The following CTNNA2 variants were observed in gnomAD, a reference collection of about 807,000 sequenced individuals.
CTNNA2 encodes the protein catenin alpha-2.
CTNNA2 carries 42 observed loss-of-function variants against 101.0 expected under a neutral mutation model. That is an observed-to-expected ratio of 0.42 (90% confidence interval 0.32 to 0.54). The LOEUF is 0.54. Among genes scored for constraint, CTNNA2 ranks in the 20% least tolerant of loss-of-function variants. The pLI is 0.14. For synonymous variants in CTNNA2, 450 were observed against 456.4 expected, an observed-to-expected ratio of 0.99 and a Z score of 0.18; for missense variants, 871 against 1,223.1, an observed-to-expected ratio of 0.71 and a Z score of 4.29.
intron 7 of CTNNA2, among the ~76,000 whole-genome samples, chr2:80,164,317 G>T (rs956633827): frequency 5.3e-5 from 8 of 151,374 alleles, no homozygotes; most frequent in South Asian, 4.2e-4. Flanking sequence ...ATATCTCTTG[G>T]CATAGCCTTT....
At chr2:79,280,699 G>A (rs1463122612) in intron 2 of CTNNA2, among the ~76,000 whole-genome samples, 5 of 140,568 alleles carry the variant, frequency 3.6e-5, no homozygotes, top group African/African-American at 7.8e-5. Flanking sequence ...GAGAGAGAGA[G>A]AGACCTATAG....
chr2:79,736,632 G>A (rs1278557647), intron 2 of CTNNA2, among the ~76,000 whole-genome samples: 2 of 152,172 alleles, frequency 1.3e-5, no homozygotes, highest in Non-Finnish European at 2.9e-5. Flanking sequence ...CCCCAAAAAT[G>A]TCTTGCTTTG....
At chr2:80,115,381 C>A (rs12463927) in intron 7 of CTNNA2, among the ~76,000 whole-genome samples, 75,825 of 152,062 alleles carry the variant, frequency 0.5, 21,058 homozygotes, top group African/African-American at 0.71. Flanking sequence ...ACCTAACCCT[C>A]GAAGAAGACG....
chr2:80,318,468 A>G (rs559683697), intron 7 of CTNNA2, among the ~76,000 whole-genome samples: 1 of 152,192 alleles, frequency 6.6e-6, no homozygotes, highest in East Asian at 1.9e-4. Flanking sequence ...ACTTACTAGT[A>G]ATTTAGGGGG....
At chr2:80,548,444 A>G (rs1465232587) in intron 11 of CTNNA2, among the ~76,000 whole-genome samples, 1 of 152,170 alleles carries the variant, frequency 6.6e-6, no homozygotes, top group Admixed American at 6.5e-5. Flanking sequence ...CTTTTTCAAT[A>G]GGACAAAGCT....
intron 1 of CTNNA2, among the ~76,000 whole-genome samples, chr2:79,632,153 G>T (rs1679737751): frequency 6.6e-6 from 1 of 151,822 alleles, no homozygotes; most frequent in South Asian, 2.1e-4. Flanking sequence ...ATATTTTAAG[G>T]TCTTTTTATT....
chr2:79,465,302 C>T (rs1670920856), intron 4 of CTNNA2, among the ~76,000 whole-genome samples: 1 of 152,012 alleles, frequency 6.6e-6, no homozygotes, highest in South Asian at 2.1e-4. Flanking sequence ...GTAGATGTGT[C>T]ATATTATTTT....
At chr2:79,640,506 A>G (rs1680377748) in intron 1 of CTNNA2, among the ~76,000 whole-genome samples, 2 of 152,210 alleles carry the variant, frequency 1.3e-5, no homozygotes, top group Non-Finnish European at 2.9e-5. Flanking sequence ...ATTTTTCTGA[A>G]ATACATAAAT....
intron 9 of CTNNA2, among the ~76,000 whole-genome samples, chr2:80,477,503 C>T (rs1239547880): frequency 1.3e-5 from 2 of 152,026 alleles, no homozygotes. Flanking sequence ...TCATCCCTCA[C>T]CTCCCACCCA....
intron 7 of CTNNA2, among the ~76,000 whole-genome samples, chr2:79,932,132 G>A (rs1376217306): frequency 1.3e-5 from 2 of 152,102 alleles, no homozygotes; most frequent in African/African-American, 4.8e-5. Flanking sequence ...GGGCTGAGTG[G>A]AGCAACTCTT....
chr2:79,341,533 A>G (rs1267417242), intron 3 of CTNNA2, among the ~76,000 whole-genome samples: 2 of 152,176 alleles, frequency 1.3e-5, no homozygotes, highest in Non-Finnish European at 2.9e-5. Flanking sequence ...CGAATCTGTT[A>G]TATTTCCACA....
exon 4 of CTNNA2, chr2:79,373,933 C>G (rs777407500): frequency 2.0e-5 from 3 of 152,120 alleles, no homozygotes; most frequent in Non-Finnish European, 2.9e-5. Context: ...GAAGCCTGTC[C>G]TTGGAGTCCA....
intron 2 of CTNNA2, among the ~76,000 whole-genome samples, chr2:79,685,066 A>T (rs913063389): frequency 6.6e-6 from 1 of 152,178 alleles, no homozygotes; most frequent in African/African-American, 2.4e-5. Context: ...TGACCTATGG[A>T]ATATTATTAA....
intron 7 of CTNNA2, chr2:80,301,816 T>A (rs1289574120): frequency 6.5e-6 from 1 of 153,862 alleles, no homozygotes; most frequent in African/African-American, 2.4e-5. Context: ...CCAAGGAAAT[T>A]TTAACTGTTG....
chr2:80,163,323 T>C (rs1023212981), intron 7 of CTNNA2, among the ~76,000 whole-genome samples: 6 of 152,168 alleles, frequency 3.9e-5, no homozygotes, highest in Admixed American at 3.9e-4. Flanking sequence ...AAATGATATA[T>C]TGCTGGGACA....
At chr2:79,767,485 C>T (rs112529326) in intron 3 of CTNNA2, among the ~76,000 whole-genome samples, 23,162 of 151,916 alleles carry the variant, frequency 0.15, 2,039 homozygotes, top group Admixed American at 0.21. Flanking sequence ...TTGTACCCAT[C>T]CTTCTTGGGA....
intron 3 of CTNNA2, among the ~76,000 whole-genome samples, chr2:79,802,136 T>C (rs981888665): frequency 6.6e-6 from 1 of 151,932 alleles, no homozygotes; most frequent in African/African-American, 2.4e-5. Context: ...CTAGGAGAAA[T>C]TGCATAGATT....
intron 2 of CTNNA2, among the ~76,000 whole-genome samples, chr2:79,702,341 C>A (rs1362103330): frequency 1.3e-5 from 2 of 152,048 alleles, no homozygotes; most frequent in African/African-American, 4.8e-5. Context: ...TAGCCATACC[C>A]ACTTTATTTT....
intron 9 of CTNNA2, among the ~76,000 whole-genome samples, chr2:80,435,534 G>A (rs1305546124): frequency 6.6e-6 from 1 of 152,044 alleles, no homozygotes; most frequent in African/African-American, 2.4e-5. Flanking sequence ...TACCTAATTA[G>A]GATTCTCCCA....
Sources: gnomAD v4.1 joint callset for allele counts (sites outside exome capture counted in the v4.1 genomes callset) on GRCh38, gnomAD v4.1.1 for gene constraint, MANE v1.5 for transcripts, NCBI Gene and HGNC (gene_info 2026-07-23, HGNC 2026-07-21) for gene names.